The following MYO5C variants were observed in gnomAD, a reference collection of about 807,000 sequenced individuals.
MYO5C encodes the protein unconventional myosin-Vc.
A neutral mutation model predicts 235.7 loss-of-function variants in MYO5C; 194 were observed. That is an observed-to-expected ratio of 0.82 (90% CI 0.73 to 0.93). The LOEUF (loss-of-function observed/expected upper bound fraction) is 0.93, where lower values mean the gene tolerates loss of function less well. Among genes scored for constraint, MYO5C ranks in the 40% least tolerant of loss-of-function variants. The pLI is 0.00. For missense variants in MYO5C, 2,038 were observed against 2,127.2 expected, an observed-to-expected ratio of 0.96 and a Z score of 0.82; for synonymous variants, 707 against 754.8, an observed-to-expected ratio of 0.94 and a Z score of 1.04.
At chr15:52,263,008 C>T (rs1020936647) in intron 9 of MYO5C, among the ~76,000 whole-genome samples, 2 of 152,110 alleles carry the variant, frequency 1.3e-5, no homozygotes, top group South Asian at 2.1e-4. Context: ...TCTGCTCTCT[C>T]TCCACCATGA....
chr15:52,249,328 C>A (rs547552814), intron 13 of MYO5C, among the ~76,000 whole-genome samples: 1 of 152,186 alleles, frequency 6.6e-6, no homozygotes, highest in African/African-American at 2.4e-5. Flanking sequence ...GCTGCCCTTT[C>A]TGATGAAGAA....
In MYO5C at chr15:52,237,714, A is replaced by G. The variant is rs569743423; in HGVS notation, c.2704-68T>C. On this transcript the variant is annotated intron_variant, in intron 21 of 40. Coordinates refer to ENST00000261839, the MANE Select transcript of MYO5C (RefSeq NM_018728.4). ...AAAGATGCTGTTCCATTTAATTCTCATAGCCTTTGACACAGCATCCAAATT... is the reference window on the plus strand; with the variant it reads ...AAAGATGCTGTTCCATTTAATTCTCGTAGCCTTTGACACAGCATCCAAATT... 5.1e-5 allele frequency: 76 copies of G among 1,488,256 alleles called. No individual in the cohort carries two copies. The African/African-American group carries it at 9.5e-4, about 19-fold the overall frequency. 92.2% of individuals were successfully genotyped at this position (1,488,256 alleles called of 1,614,324 possible). A position where few individuals can be genotyped will look rare whatever the true frequency, so the allele number is the denominator to read the frequency against.
At chr15:52,262,525 A>C (rs1195536431) in intron 9 of MYO5C, among the ~76,000 whole-genome samples, 1 of 151,414 alleles carries the variant, frequency 6.6e-6, no homozygotes, top group Admixed American at 6.6e-5. Flanking sequence ...GACACACCAC[A>C]CTCTCCCCCA....
chr15:52,208,129 GA>G (rs2035362846), intron 36 of MYO5C, among the ~76,000 whole-genome samples: 1 of 152,188 alleles, frequency 6.6e-6, no homozygotes, highest in Non-Finnish European at 1.5e-5. Flanking sequence ...TGAAGGTGGA[GA>G]ACTCTTTCAT....
chr15:52,206,549 A>C (rs2035318737), intron 36 of MYO5C, among the ~76,000 whole-genome samples: 1 of 152,168 alleles, frequency 6.6e-6, no homozygotes, highest in Non-Finnish European at 1.5e-5. Flanking sequence ...AAGAGACACC[A>C]GAGAGAGCTT....
At chr15:52,206,011 G>T in intron 36 of MYO5C, 45 bp from the exon 37 acceptor site, 3 of 1,199,528 alleles carry the variant, frequency 2.5e-6, no homozygotes, top group Non-Finnish European at 3.4e-6. Flanking sequence ...ATACAAACAT[G>T]TAGGAAATTA....
intron 11 of MYO5C, 94 bp from the exon 12 acceptor site, chr15:52,253,551 G>A: frequency 1.7e-6 from 2 of 1,144,680 alleles, no homozygotes; most frequent in Non-Finnish European, 2.5e-6. Flanking sequence ...GTAAATGGTT[G>A]ATCTGTAATA....
chr15:52,279,701 T>C (rs1406851651), intron 2 of MYO5C, 27 bp from the exon 3 acceptor site: 2 of 1,588,154 alleles, frequency 1.3e-6, no homozygotes, highest in Non-Finnish European at 8.6e-7. Flanking sequence ...AAATTAAAGC[T>C]CTGGAAATAA....
intron 7 of MYO5C, among the ~76,000 whole-genome samples, chr15:52,270,489 T>G (rs1362477679): frequency 6.6e-6 from 1 of 152,122 alleles, no homozygotes; most frequent in Non-Finnish European, 1.5e-5. Context: ...AAACTGCATA[T>G]GTTTAACACG....
intron 39 of MYO5C, 45 bp from the exon 40 acceptor site, chr15:52,195,502 ACT>A (rs758736629): frequency 8.4e-6 from 11 of 1,307,864 alleles, no homozygotes; most frequent in African/African-American, 1.5e-5. Context: ...CAAAATAATA[ACT>A]CTGTTCATAA....
intron 8 of MYO5C, among the ~76,000 whole-genome samples, chr15:52,269,501 C>T (rs2036875651): frequency 6.7e-6 from 1 of 149,710 alleles, no homozygotes; most frequent in African/African-American, 2.5e-5. Flanking sequence ...CAAGGGATTC[C>T]TCTGCCTCAG....
intron 1 of MYO5C, among the ~76,000 whole-genome samples, chr15:52,286,016 T>C (rs902679526): frequency 1.3e-5 from 2 of 151,516 alleles, no homozygotes; most frequent in Admixed American, 6.6e-5. Flanking sequence ...GCCCATCGTC[T>C]GAGATGTGGG....
Position 52,251,477 on chromosome 15 carries a change from C to T in MYO5C, c.1575G>A (p.Leu525=). 2.5e-6 allele frequency: 4 copies of T among 1,607,188 alleles called. No homozygotes were observed. In the South Asian group the frequency reaches 4.4e-5, roughly 18 times the overall value. The change falls in exon 13 of 41, where the codon CTG becomes CTA. Residue 525 remains leucine, a synonymous_variant. Coordinates refer to ENST00000261839, the MANE Select transcript of MYO5C (RefSeq NM_018728.4). The part of the protein sequence containing the change: ...HGTDENWLQK[L]YNNFVNRNPL... The stretch of plus-strand genomic sequence containing the variant: ...GGTTCCTGTTGACAAAATTATTATA[C>T]AGCTTTTGAAGCCAGTTTTCATCAG...
chr15:52,230,358 G>C (rs2035919354), intron 24 of MYO5C, among the ~76,000 whole-genome samples: 1 of 151,958 alleles, frequency 6.6e-6, no homozygotes, highest in African/African-American at 2.4e-5. Flanking sequence ...GAAAAACTCT[G>C]AGAAAGAGAG....
chr15:52,229,924 C>T (rs887646872), intron 24 of MYO5C, among the ~76,000 whole-genome samples: 1 of 152,186 alleles, frequency 6.6e-6, no homozygotes, highest in Non-Finnish European at 1.5e-5. Flanking sequence ...GTATTCCCAA[C>T]CCCCCGGGTT....
At chr15:52,208,451 G>T in intron 36 of MYO5C, 103 bp downstream of exon 36, 2 of 988,016 alleles carry the variant, frequency 2.0e-6, no homozygotes, top group Non-Finnish European at 3.1e-6. Flanking sequence ...ATGTGCTGTT[G>T]GCCTCCTGGT....
chr15:52,245,966 A>G lies in MYO5C; in HGVS notation c.2056T>C (p.Tyr686His). 6.2e-7 allele frequency: 1 copy of G among 1,614,106 alleles called. No individual in the cohort carries two copies. Among genetic ancestry groups the G allele is most frequent in the East Asian group, 2.2e-5 (1 of 44,878 alleles). The stretch of plus-strand genomic sequence containing the variant: ...GGACGGACAACATACCTGGAAGGGT[A>G]GCTCTGTGCACTAATGCGAATCGTT... ...LETIRISAQS[Y>H]PSRWTYIEFY... Residue 686 changes from tyrosine to histidine, a missense_variant, in exon 17 of 41, where the codon TAC becomes CAC. Physicochemically the swap from Tyr to His is moderately conservative, Grantham distance 83. Coordinates refer to ENST00000261839, the MANE Select transcript of MYO5C (RefSeq NM_018728.4).
intron 4 of MYO5C, 57 bp downstream of exon 4, chr15:52,278,816 G>T (rs1346564198): frequency 3.1e-5 from 50 of 1,595,104 alleles, no homozygotes; most frequent in Non-Finnish European, 4.2e-5. Context: ...GTGATGGTCT[G>T]GCAAATGCAG....
In MYO5C at chr15:52,213,219, G is replaced by A. The variant is rs112040436; in HGVS notation, c.4110C>T (p.Asp1370=). Residue 1370 remains aspartate (D), a synonymous_variant, in exon 34 of 41, where the codon GAC becomes GAT. Transcript: ENST00000261839. ...YLGMLQYKRE[D]EAKLIQNLIL... Reference sequence around the variant, plus strand: ...TGAGGTTCTGAATGAGCTTGGCCTCGTCTTCTCTCTTGTATTGCAGCATTC... The same window carrying A: ...TGAGGTTCTGAATGAGCTTGGCCTCATCTTCTCTCTTGTATTGCAGCATTC... 294 of 1,614,032 alleles carry A rather than the reference G, an allele frequency of 1.8e-4. 3 individuals are homozygous for A. The African/African-American group carries it at 2.5e-3, about 14-fold the overall frequency.
Sources: allele counts gnomAD v4.1 joint callset (sites outside exome capture counted in the v4.1 genomes callset), GRCh38; gene constraint gnomAD v4.1.1; transcripts MANE v1.5; gene names NCBI Gene and HGNC (gene_info 2026-07-23, HGNC 2026-07-21).